The following ARHGAP15 variants were observed in gnomAD, a reference collection of about 807,000 sequenced individuals.
The protein encoded by ARHGAP15 is Rho GTPase activating protein 15.
In ARHGAP15, 51 loss-of-function variants were observed where a neutral mutation model predicts 63.7. That is an observed-to-expected ratio of 0.80 (90% confidence interval 0.64 to 1.01). The LOEUF (loss-of-function observed/expected upper bound fraction) is 1.01, where lower values mean the gene tolerates loss of function less well. ARHGAP15 is among the 50% of genes least tolerant of loss of function. The pLI is 0.00. For synonymous variants in ARHGAP15, 191 were observed against 193.8 expected (o/e 0.99, Z 0.12); for missense variants, 560 against 564.6 (o/e 0.99, Z 0.08).
chr2:143,654,524 G>A (rs533234154), intron 12 of ARHGAP15, among the ~76,000 whole-genome samples: 24 of 152,220 alleles, frequency 1.6e-4, no homozygotes, highest in African/African-American at 5.1e-4. Flanking sequence ...AAATCTTTTG[G>A]TATTAATTTT....
intron 6 of ARHGAP15, among the ~76,000 whole-genome samples, chr2:143,334,877 G>T (rs1408909254): frequency 6.6e-6 from 1 of 152,156 alleles, no homozygotes; most frequent in African/African-American, 2.4e-5. Context: ...GATCATCTGA[G>T]GTCGGGAGTT....
At chr2:143,623,334 ACTTT>A (rs1698714490) in intron 11 of ARHGAP15, among the ~76,000 whole-genome samples, 1 of 152,164 alleles carries the variant, frequency 6.6e-6, no homozygotes, top group Non-Finnish European at 1.5e-5. Context: ...TTTGGGATTT[ACTTT>A]CTTTAGTATT....
chr2:143,339,705 G>A (rs1047952243), intron 6 of ARHGAP15, among the ~76,000 whole-genome samples: 1 of 151,962 alleles, frequency 6.6e-6, no homozygotes, highest in Admixed American at 6.6e-5. Context: ...CTTCTCCACG[G>A]TGCCTATGGT....
At chr2:143,519,986 G>A (rs191967758) in intron 10 of ARHGAP15, among the ~76,000 whole-genome samples, 26 of 152,140 alleles carry the variant, frequency 1.7e-4, no homozygotes, top group African/African-American at 6.0e-4. Context: ...CTATCTGTGG[G>A]GTGTTTTTCC....
At chr2:143,433,816 A>G (rs1231905542) in intron 6 of ARHGAP15, among the ~76,000 whole-genome samples, 1 of 152,108 alleles carries the variant, frequency 6.6e-6, no homozygotes, top group Non-Finnish European at 1.5e-5. Flanking sequence ...TGCTTTGGCT[A>G]ATTCATTTGT....
chr2:143,670,850 A>G (rs955363875), intron 12 of ARHGAP15, among the ~76,000 whole-genome samples: 4 of 152,212 alleles, frequency 2.6e-5, no homozygotes, highest in African/African-American at 2.4e-5. Flanking sequence ...GCTTCCAAAC[A>G]TGAACACTTT....
intron 6 of ARHGAP15, among the ~76,000 whole-genome samples, chr2:143,340,751 T>C (rs1685023602): frequency 6.6e-6 from 1 of 152,112 alleles, no homozygotes; most frequent in African/African-American, 2.4e-5. Context: ...TGGCAAGATT[T>C]GCTCCTCTGT....
chr2:143,346,106 A>G (rs1367160382), intron 6 of ARHGAP15, among the ~76,000 whole-genome samples: 1 of 151,964 alleles, frequency 6.6e-6, no homozygotes, highest in East Asian at 1.9e-4. Context: ...TTTATGAATC[A>G]GGTTGTAAAG....
chr2:143,145,004 C>T (rs1689521267), intron 1 of ARHGAP15, among the ~76,000 whole-genome samples: 1 of 152,070 alleles, frequency 6.6e-6, no homozygotes, highest in African/African-American at 2.4e-5. Flanking sequence ...CAGCCTCTCC[C>T]TCATTCTCCT....
chr2:143,516,986 GTTGC>G, intron 9 of ARHGAP15, among the ~76,000 whole-genome samples: 1 of 114,064 alleles, frequency 8.8e-6, no homozygotes, highest in Non-Finnish European at 1.9e-5. Flanking sequence ...GTCTCACTCT[GTTGC>G]CAGGCCTGGA....
chr2:143,434,502 G>C (rs918355062), intron 6 of ARHGAP15, among the ~76,000 whole-genome samples: 1 of 152,064 alleles, frequency 6.6e-6, no homozygotes, highest in African/African-American at 2.4e-5. Context: ...TTTAATGATA[G>C]AATTATAGAG....
intron 13 of ARHGAP15, among the ~76,000 whole-genome samples, chr2:143,717,838 C>T (rs893281074): frequency 6.7e-6 from 1 of 149,756 alleles, no homozygotes; most frequent in Non-Finnish European, 1.5e-5. Context: ...CAGGAAACTG[C>T]ATTTCTTAAA....
intron 6 of ARHGAP15, among the ~76,000 whole-genome samples, chr2:143,268,215 T>A (rs753997677): frequency 6.6e-6 from 1 of 151,568 alleles, no homozygotes; most frequent in East Asian, 1.9e-4. Flanking sequence ...TGGTGTTAAA[T>A]CCTATTTTTC....
intron 8 of ARHGAP15, among the ~76,000 whole-genome samples, chr2:143,444,823 A>C (rs1225222287): frequency 1.3e-5 from 2 of 152,200 alleles, no homozygotes; most frequent in African/African-American, 4.8e-5. Context: ...GAAATACCAG[A>C]TGTTTTCATC....
intron 6 of ARHGAP15, among the ~76,000 whole-genome samples, chr2:143,347,408 G>T (rs1685345802): frequency 1.3e-5 from 2 of 152,096 alleles, no homozygotes. Flanking sequence ...GGGCTGGTTT[G>T]TCGAAGAAAA....
chr2:143,596,557 T>C (rs902766393), intron 11 of ARHGAP15, among the ~76,000 whole-genome samples: 1 of 152,126 alleles, frequency 6.6e-6, no homozygotes, highest in Non-Finnish European at 1.5e-5. Context: ...ACAACAATTA[T>C]TTGAATAAAA....
chr2:143,323,692 C>T (rs1490153178), intron 6 of ARHGAP15, among the ~76,000 whole-genome samples: 3 of 151,624 alleles, frequency 2.0e-5, no homozygotes, highest in Admixed American at 6.6e-5. Flanking sequence ...GTCAGGAGAT[C>T]CGAGACCACG....
At chr2:143,751,110 G>A (rs1686354791) in intron 13 of ARHGAP15, among the ~76,000 whole-genome samples, 1 of 152,198 alleles carries the variant, frequency 6.6e-6, no homozygotes, top group African/African-American at 2.4e-5. Context: ...ACCAACAGAA[G>A]TAAAGATGGA....
At chr2:143,478,075 T>C (rs184846073) in intron 8 of ARHGAP15, among the ~76,000 whole-genome samples, 2 of 152,300 alleles carry the variant, frequency 1.3e-5, no homozygotes, top group East Asian at 1.9e-4. Context: ...CCCACCTACA[T>C]CTCTCCTTCT....
Sources: allele counts gnomAD v4.1 joint callset (sites outside exome capture counted in the v4.1 genomes callset), GRCh38; gene constraint gnomAD v4.1.1; transcripts MANE v1.5; gene names NCBI Gene and HGNC (gene_info 2026-07-23, HGNC 2026-07-21).